The following ST6GALNAC5 variants were observed in gnomAD, a reference collection of about 807,000 sequenced individuals.
ST6GALNAC5 encodes the protein alpha-N-acetylgalactosaminide alpha-2,6-sialyltransferase 5.
Under a neutral mutation model 33.6 loss-of-function variants are expected in ST6GALNAC5, and 27 were observed. That is an observed-to-expected ratio of 0.80 (90% confidence interval 0.59 to 1.11). ST6GALNAC5 has a LOEUF of 1.11. ST6GALNAC5 is among the 50% of genes least tolerant of loss of function. The pLI, the probability that ST6GALNAC5 is intolerant of heterozygous loss-of-function variation, is 0.00. For synonymous variants in ST6GALNAC5, 194 were observed against 171.2 expected (o/e 1.13, Z -1.04); for missense variants, 428 against 454.0 (o/e 0.94, Z 0.52).
intron 2 of ST6GALNAC5, among the ~76,000 whole-genome samples, chr1:76,908,551 G>T (rs1055513776): frequency 2.0e-5 from 3 of 152,124 alleles, no homozygotes; most frequent in Non-Finnish European, 2.9e-5. Context: ...CACACAGGTT[G>T]CCTCCAGATC....
chr1:76,958,328 A>G (rs1009982409), intron 2 of ST6GALNAC5, among the ~76,000 whole-genome samples: 4 of 152,188 alleles, frequency 2.6e-5, no homozygotes, highest in Non-Finnish European at 4.4e-5. Context: ...TTTTTTGTAC[A>G]CATTTAACTC....
intron 2 of ST6GALNAC5, among the ~76,000 whole-genome samples, chr1:76,957,724 G>A (rs1006405255): frequency 2.0e-5 from 3 of 150,810 alleles, no homozygotes; most frequent in East Asian, 2.0e-4. Flanking sequence ...TAACATTTTC[G>A]CTACATAACC....
intron 2 of ST6GALNAC5, among the ~76,000 whole-genome samples, chr1:76,974,773 C>CCTTTT (rs1648931494): frequency 2.8e-5 from 1 of 35,240 alleles, no homozygotes; most frequent in African/African-American, 1.3e-4. Flanking sequence ...TTCTTTCTTT[C>CCTTTT]TTTTTTTTTT....
chr1:76,905,766 G>C (rs757557354), intron 2 of ST6GALNAC5, among the ~76,000 whole-genome samples: 1 of 152,136 alleles, frequency 6.6e-6, no homozygotes, highest in Non-Finnish European at 1.5e-5. Context: ...TGCAAATAGG[G>C]TTCCATGTAT....
At chr1:76,896,780 T>G (rs1244006821) in intron 2 of ST6GALNAC5, among the ~76,000 whole-genome samples, 3 of 152,104 alleles carry the variant, frequency 2.0e-5, no homozygotes, top group Non-Finnish European at 4.4e-5. Context: ...TTGGAAGTTA[T>G]GAGAAATGTA....
chr1:76,936,119 G>A (rs2100318219), intron 2 of ST6GALNAC5, among the ~76,000 whole-genome samples: 1 of 152,130 alleles, frequency 6.6e-6, no homozygotes, highest in Admixed American at 6.6e-5. Context: ...TTTCCCAAAA[G>A]AAGTTTGCTA....
intron 3 of ST6GALNAC5, among the ~76,000 whole-genome samples, chr1:77,049,031 C>G (rs1652122750): frequency 6.6e-6 from 1 of 152,066 alleles, no homozygotes; most frequent in South Asian, 2.1e-4. Flanking sequence ...AATGAATGAG[C>G]AAAGGGCTTA....
intron 2 of ST6GALNAC5, among the ~76,000 whole-genome samples, chr1:76,980,442 T>C (rs1255976381): frequency 6.6e-6 from 1 of 152,214 alleles, no homozygotes; most frequent in Non-Finnish European, 1.5e-5. Context: ...CTATGACTGT[T>C]ACACATAAAG....
intron 2 of ST6GALNAC5, among the ~76,000 whole-genome samples, chr1:77,006,271 T>C (rs183953870): frequency 3.3e-5 from 5 of 151,962 alleles, no homozygotes; most frequent in Admixed American, 3.3e-4. Context: ...ACTACCACTT[T>C]AGCCTCCCAA....
At chr1:76,977,678 T>C (rs1000418563) in intron 2 of ST6GALNAC5, among the ~76,000 whole-genome samples, 3 of 152,224 alleles carry the variant, frequency 2.0e-5, no homozygotes, top group East Asian at 3.8e-4. Context: ...CATTCCATTG[T>C]AAACTATTCC....
chr1:76,983,784 A>G (rs886614016), intron 2 of ST6GALNAC5, among the ~76,000 whole-genome samples: 8 of 152,260 alleles, frequency 5.3e-5, no homozygotes, highest in African/African-American at 1.4e-4. Context: ...CAGCAAATGT[A>G]AAAGAACAGA....
At chr1:76,979,113 A>G (rs1289823866) in intron 2 of ST6GALNAC5, among the ~76,000 whole-genome samples, 3 of 152,102 alleles carry the variant, frequency 2.0e-5, no homozygotes, top group Admixed American at 2.0e-4. Context: ...GATGAAAGAA[A>G]TTGAATAAGA....
At chr1:76,896,111 G>C (rs1161544741) in intron 2 of ST6GALNAC5, among the ~76,000 whole-genome samples, 1 of 152,174 alleles carries the variant, frequency 6.6e-6, no homozygotes, top group Non-Finnish European at 1.5e-5. Context: ...AATAAAGGCT[G>C]ATCTGTTATC....
intron 2 of ST6GALNAC5, among the ~76,000 whole-genome samples, chr1:76,880,606 C>T (rs1557707875): frequency 6.6e-6 from 1 of 152,136 alleles, no homozygotes; most frequent in African/African-American, 2.4e-5. Context: ...CAGGAAGCAT[C>T]CAGCATGGAA....
chr1:76,922,296 A>C (rs1213351993), intron 2 of ST6GALNAC5, among the ~76,000 whole-genome samples: 1 of 152,178 alleles, frequency 6.6e-6, no homozygotes, highest in Non-Finnish European at 1.5e-5. Context: ...TTAGGTATAA[A>C]CCTAACAAAA....
chr1:76,867,620 A>G lies in ST6GALNAC5; in HGVS notation c.-56A>G. The G allele has an allele frequency of 6.2e-7, 1 of 1,613,620 alleles. No homozygotes were observed. The highest frequency in any genetic ancestry group is 1.1e-5 in the South Asian group (1 of 91,082). Reference sequence around the variant, plus strand: ...TTACCCATCATGGAAACCCTCCAGGAAAAAGTGGCCCCGGACGCGCGAGCC... The same window carrying G: ...TTACCCATCATGGAAACCCTCCAGGGAAAAGTGGCCCCGGACGCGCGAGCC... On this transcript the variant is annotated 5_prime_UTR_variant, in exon 1 of 5. Transcript: ENST00000477717.
chr1:76,983,734 A>C (rs1312815363), intron 2 of ST6GALNAC5, among the ~76,000 whole-genome samples: 1 of 152,246 alleles, frequency 6.6e-6, no homozygotes, highest in African/African-American at 2.4e-5. Flanking sequence ...CGTCGCACTT[A>C]TTCCAAAATT....
At chr1:76,874,680 C>T (rs1290462525) in intron 2 of ST6GALNAC5, among the ~76,000 whole-genome samples, 3 of 152,172 alleles carry the variant, frequency 2.0e-5, no homozygotes, top group Admixed American at 1.3e-4. Flanking sequence ...TTAGATTGTG[C>T]TCATGAGATT....
chr1:77,010,725 C>G (rs1395098419), intron 2 of ST6GALNAC5, among the ~76,000 whole-genome samples: 5 of 152,106 alleles, frequency 3.3e-5, no homozygotes, highest in Admixed American at 6.5e-5. Context: ...TCCAGGACAC[C>G]CCAACACTCT....
Sources: allele counts gnomAD v4.1 joint callset (sites outside exome capture counted in the v4.1 genomes callset), GRCh38; gene constraint gnomAD v4.1.1; transcripts MANE v1.5; gene names NCBI Gene and HGNC (gene_info 2026-07-23, HGNC 2026-07-21).